GRM7: variants seen among roughly 807,000 people sequenced by gnomAD.
GRM7 encodes glutamate metabotropic receptor 7.
A neutral mutation model predicts 84.5 loss-of-function variants in GRM7; 35 were observed. The observed-to-expected ratio is 0.41, with a 90% confidence interval of 0.32 to 0.55. The LOEUF is 0.55. Ranked by LOEUF, GRM7 falls within the 20% of genes least tolerant of loss-of-function variation. GRM7 has a pLI of 0.19. For missense variants in GRM7, 1,003 were observed against 1,194.6 expected (o/e 0.84, Z 2.36); for synonymous variants, 487 against 455.1 (o/e 1.07, Z -0.89).
At chr3:7,294,048 CA>C (rs1386775021) in intron 2 of GRM7, among the ~76,000 whole-genome samples, 2 of 152,188 alleles carry the variant, frequency 1.3e-5, no homozygotes, top group Admixed American at 1.3e-4. Flanking sequence ...CGTTAATAGC[CA>C]ATCTCTCTCT....
At chr3:7,493,321 T>C (rs1299916689) in intron 7 of GRM7, among the ~76,000 whole-genome samples, 1 of 152,064 alleles carries the variant, frequency 6.6e-6, no homozygotes, top group Non-Finnish European at 1.5e-5. Context: ...CCATTGGTGT[T>C]TATTTCATGT....
At chr3:7,390,779 T>A (rs546455889) in intron 4 of GRM7, among the ~76,000 whole-genome samples, 9 of 152,154 alleles carry the variant, frequency 5.9e-5, no homozygotes, top group Non-Finnish European at 1.2e-4. Flanking sequence ...GTGTTAGATT[T>A]CAACTTTTTC....
intron 1 of GRM7, among the ~76,000 whole-genome samples, chr3:6,876,687 C>T (rs1239059653): frequency 6.6e-6 from 1 of 151,004 alleles, no homozygotes; most frequent in Non-Finnish European, 1.5e-5. Flanking sequence ...CTGCAACCTC[C>T]GCCTCCTGGG....
At chr3:7,223,776 TATGG>T (rs2124882085) in intron 2 of GRM7, among the ~76,000 whole-genome samples, 1 of 152,250 alleles carries the variant, frequency 6.6e-6, no homozygotes, top group African/African-American at 2.4e-5. Context: ...TAGAAATAGG[TATGG>T]GCAGTCTAGA....
At chr3:7,573,600 G>A (rs571546235) in intron 7 of GRM7, among the ~76,000 whole-genome samples, 17 of 152,186 alleles carry the variant, frequency 1.1e-4, no homozygotes, top group Non-Finnish European at 2.2e-4. Flanking sequence ...TATAAGGTCT[G>A]CACATTCCTT....
At chr3:6,908,030 A>G (rs1049677033) in intron 1 of GRM7, among the ~76,000 whole-genome samples, 1 of 152,214 alleles carries the variant, frequency 6.6e-6, no homozygotes, top group Non-Finnish European at 1.5e-5. Flanking sequence ...TACATACGCT[A>G]AACTATGCAA....
In GRM7 at chr3:7,403,746, T is replaced by G. The variant is rs1695556705; in HGVS notation, c.1034-11277T>G. 2.7e-5 allele frequency among the ~76,000 whole-genome samples: 4 copies of G among 149,710 alleles called. No homozygotes were observed. The Admixed American group carries it at 2.7e-4, about 10-fold the overall frequency. ...AGATGAGAATATCTGTGTATATATG[T>G]GAATATATTTGTATATATAAGAATA... On this transcript the variant is annotated intron_variant, in intron 4 of 9. Transcript: ENST00000357716.
intron 4 of GRM7, among the ~76,000 whole-genome samples, chr3:7,396,304 TA>T (rs34645284): frequency 1.3e-5 from 2 of 152,196 alleles, no homozygotes; most frequent in South Asian, 2.1e-4. Flanking sequence ...CTACACACAC[TA>T]AAAAGGTGAA....
At chr3:7,726,320 C>T (rs2106523030) in intron 9 of GRM7, among the ~76,000 whole-genome samples, 1 of 151,842 alleles carries the variant, frequency 6.6e-6, no homozygotes, top group Non-Finnish European at 1.5e-5. Flanking sequence ...GCTACTCAGG[C>T]CTGAGAGACG....
intron 9 of GRM7, among the ~76,000 whole-genome samples, chr3:7,705,046 C>T (rs1004922928): frequency 1.3e-5 from 2 of 152,108 alleles, no homozygotes; most frequent in African/African-American, 4.8e-5. Context: ...GATTACCCCC[C>T]AGGTCTTGAC....
chr3:7,591,829 C>T (rs903894606), intron 8 of GRM7, among the ~76,000 whole-genome samples: 1 of 152,010 alleles, frequency 6.6e-6, no homozygotes, highest in Non-Finnish European at 1.5e-5. Context: ...GAAAATAGAG[C>T]CTTACAAAAG....
chr3:6,991,994 T>C (rs1049091635), intron 1 of GRM7, among the ~76,000 whole-genome samples: 5 of 151,368 alleles, frequency 3.3e-5, no homozygotes, highest in Non-Finnish European at 7.4e-5. Context: ...AAAAAAACTA[T>C]CAATGCCATC....
At chr3:7,583,427 T>C (rs749801993) in intron 8 of GRM7, among the ~76,000 whole-genome samples, 2 of 152,208 alleles carry the variant, frequency 1.3e-5, no homozygotes, top group Admixed American at 6.5e-5. Flanking sequence ...ACATCACTAA[T>C]CAATTATGAC....
intron 1 of GRM7, among the ~76,000 whole-genome samples, chr3:6,917,065 A>G (rs1239070043): frequency 1.3e-5 from 2 of 152,164 alleles, no homozygotes; most frequent in African/African-American, 4.8e-5. Context: ...CATGCCAGTC[A>G]CTAGTTGTGT....
chr3:7,008,010 T>C (rs1464015334), intron 1 of GRM7, among the ~76,000 whole-genome samples: 1 of 152,216 alleles, frequency 6.6e-6, no homozygotes, highest in East Asian at 1.9e-4. Flanking sequence ...TAAATTATAC[T>C]CTTTTCTAAA....
At chr3:7,301,040 T>A (rs1699981409) in intron 3 of GRM7, among the ~76,000 whole-genome samples, 1 of 152,310 alleles carries the variant, frequency 6.6e-6, no homozygotes, top group Non-Finnish European at 1.5e-5. Flanking sequence ...GGTGATTCAA[T>A]ATATGGTCTC....
intron 2 of GRM7, among the ~76,000 whole-genome samples, chr3:7,252,468 C>T (rs565952597): frequency 2.0e-5 from 3 of 152,176 alleles, no homozygotes; most frequent in East Asian, 3.9e-4. Flanking sequence ...GCTCACGGTC[C>T]TTTGAGAATC....
chr3:7,076,673 A>C (rs1009379101), intron 1 of GRM7, among the ~76,000 whole-genome samples: 1 of 152,128 alleles, frequency 6.6e-6, no homozygotes, highest in Non-Finnish European at 1.5e-5. Context: ...CTCCTTAGGC[A>C]AGTATGTTCC....
intron 2 of GRM7, among the ~76,000 whole-genome samples, chr3:7,294,432 A>C (rs1216486748): frequency 6.6e-6 from 1 of 152,126 alleles, no homozygotes; most frequent in Non-Finnish European, 1.5e-5. Context: ...GAATCATGGC[A>C]TTGAGACTGT....
Sources: allele counts gnomAD v4.1 joint callset (sites outside exome capture counted in the v4.1 genomes callset), GRCh38; gene constraint gnomAD v4.1.1; transcripts MANE v1.5; gene names NCBI Gene and HGNC (gene_info 2026-07-23, HGNC 2026-07-21).